Variants in SH2D4A observed in about 807,000 individuals in gnomAD.
SH2D4A encodes SH2 domain containing 4A.
Under a neutral mutation model 64.7 loss-of-function variants are expected in SH2D4A, and 70 were observed. That is an observed-to-expected ratio of 1.08 (90% confidence interval 0.89 to 1.32). SH2D4A has a LOEUF of 1.32. SH2D4A is among the 40% of genes most tolerant of loss of function. SH2D4A has a pLI of 0.00. For missense variants in SH2D4A, 706 were observed against 540.1 expected (o/e 1.31, Z -3.04); for synonymous variants, 268 against 200.7 (o/e 1.34, Z -2.83).
chr8:19,352,622 A>G (rs188716869), intron 4 of SH2D4A, among the ~76,000 whole-genome samples: 9 of 152,326 alleles, frequency 5.9e-5, no homozygotes, highest in Non-Finnish European at 1.5e-5. Flanking sequence ...GTAAGAGCAT[A>G]CATATGTTCT....
chr8:19,322,525 A>C (rs1010370676), intron 2 of SH2D4A, among the ~76,000 whole-genome samples: 3 of 151,668 alleles, frequency 2.0e-5, no homozygotes, highest in African/African-American at 7.3e-5. Flanking sequence ...ATTTTTCACT[A>C]CGAATACACA....
chr8:19,355,304 C>G (rs538167636), intron 4 of SH2D4A, among the ~76,000 whole-genome samples: 1 of 152,208 alleles, frequency 6.6e-6, no homozygotes, highest in East Asian at 1.9e-4. Context: ...TGGAAATGCA[C>G]TCAGAGATTT....
rs547601610 is a variant in SH2D4A at position 19,339,406 on chromosome 8, C to A, written c.513+4549C>A. Among the ~76,000 whole-genome samples the A allele has an allele frequency of 4.6e-5, 7 of 152,168 alleles. No individual in the cohort carries two copies. The South Asian group carries it at 1.5e-3, about 32-fold the overall frequency. ...AGTTGACACTCAATATTAACCATCACAGGTATTCAATACTGGGCACTTATT... is the reference window on the plus strand; with the variant it reads ...AGTTGACACTCAATATTAACCATCAAAGGTATTCAATACTGGGCACTTATT... On this transcript the variant is annotated intron_variant, in intron 4 of 9. Coordinates refer to ENST00000265807, the MANE Select transcript of SH2D4A (RefSeq NM_022071.4).
chr8:19,391,860 G>A lies in SH2D4A; in HGVS notation c.1049-1458G>A, dbSNP rs149302897. On this transcript the variant is annotated intron_variant, in intron 8 of 9. Coordinates refer to ENST00000265807, the MANE Select transcript of SH2D4A (RefSeq NM_022071.4). ...GCAGCCCCTTGCCTTTTCCTGAGGT[G>A]GTTCTGTTATTGTTTTGTTTTCCTG... is the stretch of plus-strand genomic sequence containing the variant. Among the ~76,000 whole-genome samples the A allele has an allele frequency of 4.7e-3, 709 of 152,310 alleles. 2 individuals carry two copies. Among genetic ancestry groups the A allele is most frequent in the Middle Eastern group, 0.017 (5 of 294 alleles).
intron 6 of SH2D4A, among the ~76,000 whole-genome samples, chr8:19,363,500 G>A (rs2052928797): frequency 1.3e-5 from 2 of 152,110 alleles, no homozygotes; most frequent in African/African-American, 4.8e-5. Context: ...CAGACTTGGG[G>A]TACTTTTTTG....
intron 4 of SH2D4A, among the ~76,000 whole-genome samples, chr8:19,335,676 C>A (rs1485056383): frequency 6.6e-6 from 1 of 152,172 alleles, no homozygotes. Context: ...GAGTCTTAGC[C>A]TTTTTGTTGC....
intron 4 of SH2D4A, among the ~76,000 whole-genome samples, chr8:19,338,319 G>A (rs1236601213): frequency 6.6e-6 from 1 of 152,138 alleles, no homozygotes; most frequent in East Asian, 1.9e-4. Context: ...TCTATCAAAA[G>A]GGGATAAACA....
chr8:19,337,921 A>C (rs1413032593), intron 4 of SH2D4A, among the ~76,000 whole-genome samples: 1 of 152,172 alleles, frequency 6.6e-6, no homozygotes, highest in Non-Finnish European at 1.5e-5. Context: ...AGAAACACTG[A>C]GAAGAAGGCC....
intron 8 of SH2D4A, chr8:19,375,192 C>T (rs1344755132): frequency 2.0e-5 from 3 of 152,018 alleles, no homozygotes; most frequent in Non-Finnish European, 4.4e-5. Context: ...TTTTCAGACT[C>T]ATAAGCAAAA....
At chr8:19,339,175 G>A (rs1262454676) in intron 4 of SH2D4A, among the ~76,000 whole-genome samples, 2 of 152,208 alleles carry the variant, frequency 1.3e-5, no homozygotes, top group African/African-American at 4.8e-5. Flanking sequence ...GGAGAAAGAT[G>A]GAGGGTGGAA....
intron 8 of SH2D4A, among the ~76,000 whole-genome samples, chr8:19,388,382 G>A (rs2053426186): frequency 6.6e-6 from 1 of 152,196 alleles, no homozygotes; most frequent in African/African-American, 2.4e-5. Flanking sequence ...GTATGCCAGG[G>A]CAAAGCAGGT....
In SH2D4A at chr8:19,392,664, G is replaced by C. The variant is rs2053511727; in HGVS notation, c.1049-654G>C. Among the ~76,000 whole-genome samples, 3 of 152,058 alleles carry C rather than the reference G, an allele frequency of 2.0e-5. No homozygotes were observed. In the South Asian group the frequency reaches 6.2e-4, roughly 32 times the overall value. ...CCCAGGATGACCATCAAGGCGTTCT[G>C]TTAGACCCTTATAAACCGTCTAACA... On this transcript the variant is annotated intron_variant, in intron 8 of 9. Transcript: ENST00000265807.
intron 4 of SH2D4A, among the ~76,000 whole-genome samples, chr8:19,340,585 T>TTTTC (rs1554479510): frequency 1.7e-4 from 23 of 138,362 alleles, no homozygotes; most frequent in East Asian, 1.5e-3. Flanking sequence ...GATTTTGTTC[T>TTTTC]TTTCTTTCTT....
In SH2D4A at chr8:19,394,842, T is replaced by C. The variant is rs776661721; in HGVS notation, c.*200T>C. ...AATTCAATGTCAAGAGAAAATGACCTCTGCTCAAAAGGGAGAAGAGTCTCA... is the reference window on the plus strand; with the variant it reads ...AATTCAATGTCAAGAGAAAATGACCCCTGCTCAAAAGGGAGAAGAGTCTCA... On this transcript the variant is annotated 3_prime_UTR_variant, in exon 10 of 10. Coordinates refer to ENST00000265807, the MANE Select transcript of SH2D4A (RefSeq NM_022071.4). The C allele has an allele frequency of 8.0e-5, 32 of 397,522 alleles. No individual in the cohort carries two copies. Among genetic ancestry groups the C allele is most frequent in the Non-Finnish European group, 1.3e-4 (29 of 224,464 alleles). 24.6% of individuals were successfully genotyped at this position (397,522 alleles called of 1,614,324 possible).
intron 4 of SH2D4A, among the ~76,000 whole-genome samples, chr8:19,344,288 C>A (rs140163492): frequency 6.6e-6 from 1 of 152,046 alleles, no homozygotes; most frequent in Admixed American, 6.6e-5. Context: ...GAGAAGAATC[C>A]GCTTACAGGT....
At chr8:19,315,464 G>C (rs2117159421) in intron 1 of SH2D4A, among the ~76,000 whole-genome samples, 1 of 152,244 alleles carries the variant, frequency 6.6e-6, no homozygotes. Context: ...CTGTATCTAA[G>C]GCCTTTTAAA....
intron 8 of SH2D4A, among the ~76,000 whole-genome samples, chr8:19,390,255 C>T (rs1398272326): frequency 6.6e-6 from 1 of 152,126 alleles, no homozygotes; most frequent in East Asian, 1.9e-4. Flanking sequence ...GTAGTGGGCT[C>T]CTGTAATCCC....
At chr8:19,393,287 G>A in intron 8 of SH2D4A, 31 bp from the exon 9 acceptor site, 1 of 1,607,528 alleles carries the variant, frequency 6.2e-7, no homozygotes, top group South Asian at 1.1e-5. Context: ...TGATTTGGCT[G>A]AAATACCTGC....
chr8:19,329,004 G>C (rs2052328312), intron 2 of SH2D4A, among the ~76,000 whole-genome samples: 1 of 152,168 alleles, frequency 6.6e-6, no homozygotes. Flanking sequence ...CTGCTCCCCT[G>C]TGTGATGGTC....
Sources: gnomAD v4.1 joint callset for allele counts (sites outside exome capture counted in the v4.1 genomes callset) on GRCh38, gnomAD v4.1.1 for gene constraint, MANE v1.5 for transcripts, NCBI Gene and HGNC (gene_info 2026-07-23, HGNC 2026-07-21) for gene names.